The following SLC5A8 variants were observed in gnomAD, a reference collection of about 807,000 sequenced individuals.
The protein encoded by SLC5A8 is solute carrier family 5 member 8.
Under a neutral mutation model 71.9 loss-of-function variants are expected in SLC5A8, and 55 were observed. The observed-to-expected ratio is 0.77, with a 90% CI of 0.62 to 0.96. The LOEUF (loss-of-function observed/expected upper bound fraction) is 0.96, where lower values mean the gene tolerates loss of function less well. Among genes scored for constraint, SLC5A8 ranks in the 40% least tolerant of loss-of-function variants. SLC5A8 has a pLI of 0.00. For missense variants in SLC5A8, 701 were observed against 745.3 expected, an observed-to-expected ratio of 0.94 and a Z score of 0.69; for synonymous variants, 307 against 276.1, an observed-to-expected ratio of 1.11 and a Z score of -1.11.
At chr12:101,179,457 T>C (rs185769694) in intron 10 of SLC5A8, among the ~76,000 whole-genome samples, 72 of 152,298 alleles carry the variant, frequency 4.7e-4, no homozygotes, top group Non-Finnish European at 7.9e-4. Context: ...GAGAATACTA[T>C]CTGATAATAA....
At chr12:101,158,404 G>T in intron 13 of SLC5A8, 76 bp from the exon 14 acceptor site, 1 of 916,748 alleles carries the variant, frequency 1.1e-6, no homozygotes, top group Non-Finnish European at 1.7e-6. Flanking sequence ...CCATTATACA[G>T]GCATTTAACT....
rs1187907164 is a variant in SLC5A8, at chr12:101,209,879, A to G, written c.-31T>C. ...CACGGTCGCCTGAGCCCTGCGCGCA[A>G]ACTGGTGGCCCCGCGGCGCGCAGCC... On this transcript the variant is annotated 5_prime_UTR_variant, in exon 1 of 15. Transcript: ENST00000536262. 1 of 1,486,914 alleles carries G rather than the reference A, an allele frequency of 6.7e-7. No homozygotes were observed. The highest frequency in any genetic ancestry group is 2.4e-5 in the East Asian group (1 of 41,672). The allele number at this position is 1,486,914 out of a possible 1,614,324, so 92.1% of individuals were successfully genotyped here. A position where few individuals can be genotyped will look rare whatever the true frequency, so the allele number is the denominator to read the frequency against.
chr12:101,158,496 C>A (rs1044344287), intron 13 of SLC5A8, among the ~76,000 whole-genome samples, 168 bp from the exon 14 acceptor site: 3 of 148,730 alleles, frequency 2.0e-5, no homozygotes, highest in Admixed American at 1.4e-4. Context: ...CCCGCAATTC[C>A]CCTTTCCTTA....
At chr12:101,200,672 A>G (rs779052625) in intron 3 of SLC5A8, among the ~76,000 whole-genome samples, 12 of 152,118 alleles carry the variant, frequency 7.9e-5, no homozygotes, top group Non-Finnish European at 1.3e-4. Flanking sequence ...TTTCTAAAGG[A>G]CATACTGAAA....
chr12:101,158,047 T>C (rs572696174), intron 14 of SLC5A8, among the ~76,000 whole-genome samples: 1 of 152,312 alleles, frequency 6.6e-6, no homozygotes, highest in South Asian at 2.1e-4. Flanking sequence ...AGGTATAGCG[T>C]ATCAGAGGAT....
rs774268253 is a variant in SLC5A8 at position 101,193,780 on chromosome 12, C to T, written c.538-1G>A. On this transcript the variant is annotated splice_acceptor_variant, in intron 4 of 14. Coordinates refer to ENST00000536262, the MANE Select transcript of SLC5A8 (RefSeq NM_145913.5). LOFTEE classifies it high-confidence loss of function. ...TCCAGATAACTGCTTTAAGACCACC[C>T]TTTGAGGGGAAAGTATATTAGGATT... 3 of 1,613,634 alleles carry T rather than the reference C, an allele frequency of 1.9e-6. No homozygotes were observed. The East Asian group carries it at 6.7e-5, about 36-fold the overall frequency.
In SLC5A8 at chr12:101,157,353, T is replaced by C. The variant is rs751246801; in HGVS notation, c.1759A>G (p.Thr587Ala). ...ATGTGGTTGAAAGCAGGATTATCAG[T>C]TCCACCATCTTCCACTGGATGTGAT... ...YKSHPVEDGG[T>A]DNPAFNHIEL... Residue 587 changes from threonine to alanine, a missense_variant, in exon 15 of 15, where the codon ACT becomes GCT. Coordinates refer to ENST00000536262, the MANE Select transcript of SLC5A8 (RefSeq NM_145913.5). The C allele has an allele frequency of 6.2e-7, 1 of 1,612,372 alleles. No homozygotes were observed. The highest frequency in any genetic ancestry group is 8.5e-7 in the Non-Finnish European group (1 of 1,179,076).
intron 12 of SLC5A8, among the ~76,000 whole-genome samples, chr12:101,164,953 A>G (rs2051755735): frequency 6.6e-6 from 1 of 152,132 alleles, no homozygotes; most frequent in African/African-American, 2.4e-5. Flanking sequence ...CCAACTTTGT[A>G]CTCACTCTTT....
intron 14 of SLC5A8, among the ~76,000 whole-genome samples, chr12:101,157,884 G>A (rs1354818979): frequency 6.6e-6 from 1 of 152,074 alleles, no homozygotes; most frequent in Non-Finnish European, 1.5e-5. Context: ...GAGAGAGATA[G>A]ATATACAACA....
rs1305594799 is a variant in SLC5A8, at chr12:101,195,148, G to T, written c.484C>A (p.Leu162Met). The T allele has an allele frequency of 6.2e-7, 1 of 1,614,048 alleles. No homozygotes were observed. Reference protein sequence around the residue: ...LALNQVTGFDLWGAVVATGVV... With the variant: ...LALNQVTGFDMWGAVVATGVV... Reference sequence around the variant, plus strand: ...CCCGTTGCCACTACCGCGCCCCACAGATCAAATCCTGTGACTGTAGAAAAA... The same window carrying T: ...CCCGTTGCCACTACCGCGCCCCACATATCAAATCCTGTGACTGTAGAAAAA... The change falls in exon 4 of 15, where the codon CTG becomes ATG. Residue 162 changes from leucine (L) to methionine (M), a missense_variant. Physicochemically the swap from Leu to Met is conservative, Grantham distance 15. Coordinates refer to ENST00000536262, the MANE Select transcript of SLC5A8 (RefSeq NM_145913.5).
chr12:101,168,351 T>C (rs1284257298), intron 10 of SLC5A8, among the ~76,000 whole-genome samples, 169 bp from the exon 11 acceptor site: 1 of 152,160 alleles, frequency 6.6e-6, no homozygotes, highest in Non-Finnish European at 1.5e-5. Flanking sequence ...AACTTACAAG[T>C]TTCTGCATCT....
chr12:101,180,209 G>A, intron 9 of SLC5A8, 113 bp from the exon 10 acceptor site: 2 of 1,067,152 alleles, frequency 1.9e-6, no homozygotes, highest in Non-Finnish European at 2.9e-6. Flanking sequence ...CTGTGGTGAA[G>A]AATGGCCACA....
chr12:101,182,011 A>G (rs932481330), intron 9 of SLC5A8, among the ~76,000 whole-genome samples: 8 of 152,204 alleles, frequency 5.3e-5, no homozygotes, highest in Non-Finnish European at 7.4e-5. Flanking sequence ...TTAGTCATGC[A>G]TTTCAAGGTG....
chr12:101,186,660 G>A (rs758528814), intron 7 of SLC5A8, among the ~76,000 whole-genome samples: 2 of 152,194 alleles, frequency 1.3e-5, no homozygotes, highest in African/African-American at 2.4e-5. Context: ...CTAGGCCTGA[G>A]TTCTCTCATC....
intron 10 of SLC5A8, among the ~76,000 whole-genome samples, chr12:101,178,716 C>T (rs2051904012): frequency 1.3e-5 from 2 of 151,844 alleles, no homozygotes; most frequent in Admixed American, 1.3e-4. Flanking sequence ...TGAAAAGAAA[C>T]ATAGAAGAAA....
intron 5 of SLC5A8, 144 bp downstream of exon 5, chr12:101,193,481 T>C (rs1460464257): frequency 2.2e-6 from 2 of 904,946 alleles, no homozygotes; most frequent in East Asian, 2.7e-5. Flanking sequence ...TCCTTACGTA[T>C]TTACTTCTCT....
chr12:101,168,214 A>G, intron 10 of SLC5A8, 32 bp from the exon 11 acceptor site: 1 of 1,553,242 alleles, frequency 6.4e-7, no homozygotes. Flanking sequence ...AGCAATTAGC[A>G]ATCTCAAATC....
In SLC5A8 at chr12:101,210,174, A is replaced by G; in HGVS notation, c.-326T>C. 1 of 334,168 alleles carries G rather than the reference A, an allele frequency of 3.0e-6. No individual in the cohort carries two copies. The highest frequency in any genetic ancestry group is 5.4e-6 in the Non-Finnish European group (1 of 186,056). The allele number at this position is 334,168 out of a possible 1,614,324, so 20.7% of individuals were successfully genotyped here. On this transcript the variant is annotated 5_prime_UTR_variant, in exon 1 of 15. Coordinates refer to ENST00000536262, the MANE Select transcript of SLC5A8 (RefSeq NM_145913.5). ...GGCGCCGGGGACACCTGAGCAGATG[A>G]GAACTGGAGCCTCCAGCTGCTTCCA...
intron 13 of SLC5A8, among the ~76,000 whole-genome samples, chr12:101,160,781 C>T (rs891875755): frequency 1.3e-5 from 2 of 151,804 alleles, no homozygotes; most frequent in South Asian, 4.2e-4. Flanking sequence ...ACATAGTAGA[C>T]CTAAAAGACA....
Sources: allele counts gnomAD v4.1 joint callset (sites outside exome capture counted in the v4.1 genomes callset), GRCh38; gene constraint gnomAD v4.1.1; transcripts MANE v1.5; gene names NCBI Gene and HGNC (gene_info 2026-07-23, HGNC 2026-07-21).